ADD2: variants seen among roughly 807,000 people sequenced by gnomAD.
The protein encoded by ADD2 is beta-adducin.
Under a neutral mutation model 83.0 loss-of-function variants are expected in ADD2, and 23 were observed. That is an observed-to-expected ratio of 0.28 (90% CI 0.20 to 0.39). The LOEUF (loss-of-function observed/expected upper bound fraction) is 0.39. Ranked by LOEUF, ADD2 falls within the 10% of genes least tolerant of loss-of-function variation. The pLI, the probability that ADD2 is intolerant of heterozygous loss-of-function variation, is 1.00. For synonymous variants in ADD2, 375 were observed against 375.4 expected (o/e 1.00, Z 0.01); for missense variants, 758 against 944.9 (o/e 0.80, Z 2.59).
chr2:70,736,225 G>A (rs564069871), intron 1 of ADD2, among the ~76,000 whole-genome samples: 1 of 152,282 alleles, frequency 6.6e-6, no homozygotes, highest in South Asian at 2.1e-4. Flanking sequence ...CAGGTATGAT[G>A]GCATAAAGGA....
In ADD2 at chr2:70,706,367, GGGC is replaced by G; in HGVS notation, c.39_41del (p.Pro15del). On this transcript the variant is annotated inframe_deletion, in exon 3 of 16. Coordinates refer to ENST00000264436, the MANE Select transcript of ADD2 (RefSeq NM_001617.4). This position sits in a 1 kb window ranked among gnomAD's most constrained non-coding sequence, Gnocchi z 5.0. Reference sequence around the variant, plus strand: ...GGTCAAAGTAAGGCTGCCCCTGCGGGGGCGGCGGCGAGGCAGCCTCGGGGACCG... The same window carrying G: ...GGTCAAAGTAAGGCTGCCCCTGCGGGGGCGGCGAGGCAGCCTCGGGGACCG... 1 of 1,611,988 alleles carries G rather than the reference GGGC, an allele frequency of 6.2e-7. No homozygotes were observed. The highest frequency in any genetic ancestry group is 8.5e-7 in the Non-Finnish European group (1 of 1,178,952).
At chr2:70,730,177 T>C (rs1359010853) in intron 1 of ADD2, among the ~76,000 whole-genome samples, 3 of 152,204 alleles carry the variant, frequency 2.0e-5, no homozygotes, top group African/African-American at 7.2e-5. Flanking sequence ...TGCTCCCAAA[T>C]TGCAGCCCTG....
At chr2:70,671,553 C>T (rs1442845063) in intron 15 of ADD2, among the ~76,000 whole-genome samples, 2 of 152,146 alleles carry the variant, frequency 1.3e-5, no homozygotes, top group African/African-American at 2.4e-5. Flanking sequence ...AGTAAACAGC[C>T]TCTCTATACT....
In ADD2 at chr2:70,761,441, T is replaced by C. The variant is rs889624361; in HGVS notation, c.-154+6445A>G. ...CTGGCCAACATGGTGAAACCTGGTC[T>C]CTACTAAAAATACAAAATTAGCCGG... On this transcript the variant is annotated intron_variant, in intron 1 of 15. Transcript: ENST00000264436. Among the ~76,000 whole-genome samples the C allele has an allele frequency of 4.0e-5, 6 of 151,656 alleles. No homozygotes were observed. In the South Asian group the frequency reaches 6.2e-4, roughly 16 times the overall value.
At chr2:70,704,268 AC>A in intron 4 of ADD2, 52 bp downstream of exon 4, 1 of 429,180 alleles carries the variant, frequency 2.3e-6, no homozygotes, top group Non-Finnish European at 3.9e-6. Context: ...TCTCTTCCCC[AC>A]CCCACCCTCC....
intron 4 of ADD2, 110 bp from the exon 5 acceptor site, chr2:70,696,506 C>G: frequency 7.0e-7 from 1 of 1,420,206 alleles, no homozygotes; most frequent in Non-Finnish European, 9.7e-7. Flanking sequence ...GGAGACTTCC[C>G]CAGGCAGGGA....
chr2:70,763,803 T>G (rs1558587950), intron 1 of ADD2, among the ~76,000 whole-genome samples: 1 of 151,894 alleles, frequency 6.6e-6, no homozygotes, highest in Non-Finnish European at 1.5e-5. Context: ...GCCTAAACTC[T>G]CACAGCTAGT....
chr2:70,664,748 TGGGTGTGTGA>T (rs1339227352), intron 15 of ADD2, among the ~76,000 whole-genome samples: 1 of 124,312 alleles, frequency 8.0e-6, no homozygotes, highest in Non-Finnish European at 1.8e-5. Context: ...AGTGTGTGTG[TGGGTGTGTGA>T]GGGTGTGCAA....
intron 1 of ADD2, among the ~76,000 whole-genome samples, chr2:70,722,644 TACA>T (rs1672786108): frequency 6.6e-6 from 1 of 152,214 alleles, no homozygotes; most frequent in South Asian, 2.1e-4. Context: ...TCCTGAGAGC[TACA>T]ACAAGGCAGA....
At chr2:70,753,128 A>G (rs1428680523) in intron 1 of ADD2, among the ~76,000 whole-genome samples, 1 of 152,220 alleles carries the variant, frequency 6.6e-6, no homozygotes, top group Admixed American at 6.5e-5. Flanking sequence ...CACAGAAGAA[A>G]AGGAGGAACA....
chr2:70,708,383 G>C (rs536186561), intron 2 of ADD2, among the ~76,000 whole-genome samples: 1 of 152,304 alleles, frequency 6.6e-6, no homozygotes, highest in East Asian at 1.9e-4. Context: ...ACTGATGCCA[G>C]ATATTCTAAT....
chr2:70,727,283 C>T (rs1673053854), intron 1 of ADD2, among the ~76,000 whole-genome samples: 3 of 152,108 alleles, frequency 2.0e-5, no homozygotes, highest in Admixed American at 1.3e-4. Flanking sequence ...CAGACAAAGC[C>T]CATACCAGCC....
chr2:70,676,968 G>C lies in ADD2; in HGVS notation c.1504-83C>G. ...GGGAGGGGGCATACGGGTGTGCCTG[G>C]GGTCTAGAAAGGTCCTCTAGCGGTG... On this transcript the variant is annotated intron_variant, in intron 12 of 15. Coordinates refer to ENST00000264436, the MANE Select transcript of ADD2 (RefSeq NM_001617.4). The surrounding 1 kb of genome is among the most constrained non-coding windows in gnomAD (Gnocchi z 4.8). The C allele has an allele frequency of 6.4e-7, 1 of 1,550,732 alleles. No individual in the cohort carries two copies. Among genetic ancestry groups the C allele is most frequent in the Non-Finnish European group, 8.7e-7 (1 of 1,144,576 alleles).
chr2:70,673,357 G>A (rs782290050), intron 14 of ADD2: 81 of 1,599,968 alleles, frequency 5.1e-5, no homozygotes, highest in African/African-American at 2.7e-4. Flanking sequence ...GCTTTGTGTC[G>A]TGAGCACAGA....
At chr2:70,703,283 C>T (rs28702679) in intron 4 of ADD2, among the ~76,000 whole-genome samples, 43,858 of 151,910 alleles carry the variant, frequency 0.29, 6,671 homozygotes, top group East Asian at 0.43. Context: ...TGTGAAAATA[C>T]ATTAATATAT....
chr2:70,758,934 G>A (rs1219306588), intron 1 of ADD2, among the ~76,000 whole-genome samples: 5 of 152,150 alleles, frequency 3.3e-5, no homozygotes, highest in Non-Finnish European at 7.4e-5. Flanking sequence ...CCCAAGCAAA[G>A]TAGCCCAGGC....
intron 11 of ADD2, 49 bp from the exon 12 acceptor site, chr2:70,677,926 A>T (rs1432074424): frequency 7.5e-6 from 12 of 1,610,724 alleles, no homozygotes; most frequent in African/African-American, 1.3e-5. Flanking sequence ...CAGGCCCATG[A>T]GTCCTCCCCA....
At chr2:70,711,033 C>T (rs1449094040) in intron 2 of ADD2, 1 of 152,048 alleles carries the variant, frequency 6.6e-6, no homozygotes, top group East Asian at 1.9e-4. Context: ...TGAGCTACAT[C>T]GACAAAAAGA....
intron 1 of ADD2, among the ~76,000 whole-genome samples, chr2:70,722,200 T>A (rs1672762350): frequency 6.6e-6 from 1 of 152,168 alleles, no homozygotes; most frequent in Non-Finnish European, 1.5e-5. Context: ...GCCCAGGTGT[T>A]GATTTGATAG....
Sources: allele counts gnomAD v4.1 joint callset (sites outside exome capture counted in the v4.1 genomes callset), GRCh38; gene constraint gnomAD v4.1.1; non-coding constraint Gnocchi (gnomAD v3.1); transcripts MANE v1.5; gene names NCBI Gene and HGNC (gene_info 2026-07-23, HGNC 2026-07-21).